OR2L13: variants seen among roughly 807,000 people sequenced by gnomAD.
The protein encoded by OR2L13 is olfactory receptor 2L13.
OR2L13 carries 14 observed loss-of-function variants against 15.3 expected under a neutral mutation model. That is an observed-to-expected ratio of 0.91 (90% confidence interval 0.60 to 1.43). The LOEUF is 1.43. Ranked by LOEUF, OR2L13 falls within the 40% of genes most tolerant of loss-of-function variation. OR2L13 has a pLI of 0.00. For synonymous variants in OR2L13, 152 were observed against 142.9 expected (o/e 1.06, Z -0.45); for missense variants, 367 against 387.9 (o/e 0.95, Z 0.45).
the OR2L13 span, among the ~76,000 whole-genome samples, chr1:248,086,625 G>A: frequency 6.6e-6 from 1 of 151,844 alleles, no homozygotes; most frequent in Non-Finnish European, 1.5e-5. Flanking sequence ...TAAATATACA[G>A]CTATATTTAT....
chr1:248,070,658 A>C, the OR2L13 span, among the ~76,000 whole-genome samples: 8 of 152,188 alleles, frequency 5.3e-5, no homozygotes, highest in Non-Finnish European at 1.0e-4. Flanking sequence ...AGACACAAAA[A>C]ACCCTTCAAA....
the OR2L13 span, among the ~76,000 whole-genome samples, chr1:248,068,788 T>C: frequency 6.6e-6 from 1 of 152,146 alleles, no homozygotes; most frequent in Admixed American, 6.5e-5. Context: ...AAGGAGCTGA[T>C]GGAGCTGAAA....
the OR2L13 span, among the ~76,000 whole-genome samples, chr1:247,967,555 T>C: frequency 6.6e-6 from 1 of 152,320 alleles, no homozygotes; most frequent in African/African-American, 2.4e-5. Context: ...ACAAAATTAA[T>C]ATATCAAATT....
the OR2L13 span, among the ~76,000 whole-genome samples, chr1:248,079,781 G>T: frequency 1.3e-5 from 2 of 152,162 alleles, no homozygotes; most frequent in Non-Finnish European, 2.9e-5. Context: ...TACAATGTTA[G>T]CATAGTAGAC....
chr1:247,948,005 G>A, the OR2L13 span, among the ~76,000 whole-genome samples: 34 of 152,186 alleles, frequency 2.2e-4, no homozygotes, highest in Admixed American at 5.2e-4. Flanking sequence ...TACTGAGGCC[G>A]AGGGTTCAAA....
the OR2L13 span, among the ~76,000 whole-genome samples, chr1:247,938,618 G>A: frequency 6.6e-6 from 1 of 152,050 alleles, no homozygotes; most frequent in Non-Finnish European, 1.5e-5. Context: ...ATTGAGGGTA[G>A]TAGAAGACTT....
upstream of OR2L13, among the ~76,000 whole-genome samples, chr1:248,093,342 G>A (rs536492181): frequency 3.3e-5 from 5 of 151,976 alleles, no homozygotes; most frequent in Admixed American, 3.3e-4. Context: ...GAGGTGAGAT[G>A]CATCATCATA....
the OR2L13 span, chr1:248,061,955 C>T: frequency 5.2e-6 from 1 of 191,424 alleles, no homozygotes; most frequent in Non-Finnish European, 1.1e-5. Flanking sequence ...TCCTTATGGT[C>T]AGTTTATTTT....
chr1:248,047,980 T>C, the OR2L13 span, among the ~76,000 whole-genome samples: 1 of 152,326 alleles, frequency 6.6e-6, no homozygotes, highest in South Asian at 2.1e-4. Flanking sequence ...AAAGCTTACA[T>C]TTTTAGTAAT....
At chr1:248,065,609 G>C in the OR2L13 span, among the ~76,000 whole-genome samples, 2 of 94,226 alleles carry the variant, frequency 2.1e-5, no homozygotes, top group African/African-American at 8.2e-5. Context: ...CACAGTCCCC[G>C]ATGTGTGATG....
the OR2L13 span, among the ~76,000 whole-genome samples, chr1:248,082,360 G>A: frequency 2.4e-3 from 1 of 422 alleles, no homozygotes; most frequent in East Asian, 0.17. Context: ...GGGGTGGGGG[G>A]AGGGGGGAGG....
chr1:248,049,066 G>C, the OR2L13 span, among the ~76,000 whole-genome samples: 531 of 152,024 alleles, frequency 3.5e-3, 5 homozygotes, highest in African/African-American at 0.012. Flanking sequence ...GAAAATATAG[G>C]GAGTAAAATC....
chr1:247,964,542 G>A, the OR2L13 span, among the ~76,000 whole-genome samples: 5 of 152,060 alleles, frequency 3.3e-5, no homozygotes, highest in African/African-American at 1.2e-4. Flanking sequence ...TATTTTTAAA[G>A]TTTCACAATT....
the OR2L13 span, among the ~76,000 whole-genome samples, chr1:248,075,008 G>T: frequency 6.6e-6 from 1 of 152,090 alleles, no homozygotes; most frequent in Non-Finnish European, 1.5e-5. Flanking sequence ...TTCTCCTAAT[G>T]CTGTCCCTCC....
the OR2L13 span, among the ~76,000 whole-genome samples, chr1:248,024,594 G>T: frequency 6.6e-6 from 1 of 152,104 alleles, no homozygotes; most frequent in South Asian, 2.1e-4. Flanking sequence ...TAAGGTGTAA[G>T]GAAGGGATCC....
the OR2L13 span, chr1:247,966,492 T>G: frequency 1.4e-6 from 1 of 709,950 alleles, no homozygotes. Context: ...TGTGTTCCCC[T>G]GGCATTTTAA....
chr1:248,035,642 T>C, the OR2L13 span: 26 of 152,190 alleles, frequency 1.7e-4, no homozygotes, highest in African/African-American at 6.3e-4. Context: ...CTTCAAATTT[T>C]CTTACCAGTT....
chr1:247,958,699 G>A, the OR2L13 span, among the ~76,000 whole-genome samples: 1 of 151,860 alleles, frequency 6.6e-6, no homozygotes. Flanking sequence ...TTATGTAATG[G>A]CCTTCTTTGT....
the OR2L13 span, among the ~76,000 whole-genome samples, chr1:248,026,990 T>C: frequency 6.6e-6 from 1 of 152,172 alleles, no homozygotes; most frequent in Non-Finnish European, 1.5e-5. Context: ...ACAAGGGAGA[T>C]AACCTTAAAC....
Sources: allele counts gnomAD v4.1 joint callset (sites outside exome capture counted in the v4.1 genomes callset), GRCh38; gene constraint gnomAD v4.1.1; transcripts MANE v1.5; gene names NCBI Gene and HGNC (gene_info 2026-07-23, HGNC 2026-07-21).